The following ARHGAP44 variants were observed in gnomAD, a reference collection of about 807,000 sequenced individuals.
ARHGAP44 encodes Rho GTPase activating protein 44.
A neutral mutation model predicts 106.8 loss-of-function variants in ARHGAP44; 43 were observed. The ratio of observed to expected loss-of-function variants is 0.40; its 90% CI spans 0.32 to 0.52. The LOEUF is 0.52. Among genes scored for constraint, ARHGAP44 ranks in the 20% least tolerant of loss-of-function variants. ARHGAP44 has a pLI of 0.48. For synonymous variants in ARHGAP44, 439 were observed against 410.3 expected, an observed-to-expected ratio of 1.07 and a Z score of -0.85; for missense variants, 866 against 1,050.5, an observed-to-expected ratio of 0.82 and a Z score of 2.43.
At chr17:12,977,953 G>A (rs369044332) in intron 18 of ARHGAP44, among the ~76,000 whole-genome samples, 15 of 145,184 alleles carry the variant, frequency 1.0e-4, no homozygotes, top group African/African-American at 3.0e-4. Flanking sequence ...AAGGAGAATC[G>A]CTTGAACCTG....
chr17:12,846,711 G>A (rs548315484), intron 1 of ARHGAP44, among the ~76,000 whole-genome samples: 36 of 152,336 alleles, frequency 2.4e-4, no homozygotes, highest in African/African-American at 8.2e-4. Context: ...CTCTCATGCT[G>A]TCATTCATGA....
At chr17:12,878,207 A>T (rs1319364972) in intron 1 of ARHGAP44, among the ~76,000 whole-genome samples, 1 of 151,242 alleles carries the variant, frequency 6.6e-6, no homozygotes, top group African/African-American at 2.4e-5. Flanking sequence ...TGTTTCTCTA[A>T]CTCGTTTGTT....
chr17:12,904,176 G>C (rs767889752), intron 3 of ARHGAP44, among the ~76,000 whole-genome samples: 1 of 151,802 alleles, frequency 6.6e-6, no homozygotes, highest in African/African-American at 2.4e-5. Context: ...GTGCCATCTC[G>C]GCTCACTGCA....
At chr17:12,833,953 AT>A (rs140967569) in intron 1 of ARHGAP44, among the ~76,000 whole-genome samples, 35,409 of 143,486 alleles carry the variant, frequency 0.25, 6,258 homozygotes, top group African/African-American at 0.51. Context: ...TAGATTGTGA[AT>A]TTTTTTTTTT....
At chr17:12,790,058 C>T (rs1403394261) in intron 1 of ARHGAP44, 167 bp downstream of exon 1, 1 of 579,418 alleles carries the variant, frequency 1.7e-6, no homozygotes, top group Middle Eastern at 4.7e-4. Context: ...TCCTCCCTAA[C>T]TTCCCAGACC....
At chr17:12,985,452 T>A (rs2039934983) in intron 20 of ARHGAP44, 1 of 152,166 alleles carries the variant, frequency 6.6e-6, no homozygotes, top group Non-Finnish European at 1.5e-5. Flanking sequence ...TCCACCAGAC[T>A]CCCCTCCCTG....
At chr17:12,819,097 G>C (rs1251804892) in intron 1 of ARHGAP44, among the ~76,000 whole-genome samples, 1 of 152,042 alleles carries the variant, frequency 6.6e-6, no homozygotes, top group African/African-American at 2.4e-5. Flanking sequence ...GCAGACTAGA[G>C]AGTCCAAAAT....
chr17:12,931,780 T>TGTCCCTGTAGTCCCAGCTCAG, intron 7 of ARHGAP44, among the ~76,000 whole-genome samples: 2 of 151,804 alleles, frequency 1.3e-5, no homozygotes, highest in African/African-American at 4.8e-5. Context: ...ATTACAGGCA[T>TGTCCCTGTAGTCCCAGCTCAG]GAGCCACCGC....
intron 1 of ARHGAP44, among the ~76,000 whole-genome samples, chr17:12,815,309 G>C (rs189090154): frequency 6.6e-6 from 1 of 152,014 alleles, no homozygotes; most frequent in African/African-American, 2.4e-5. Context: ...CAAACATTCC[G>C]CCTCGCACTT....
At chr17:12,856,268 A>G (rs761846544) in intron 1 of ARHGAP44, among the ~76,000 whole-genome samples, 1 of 152,068 alleles carries the variant, frequency 6.6e-6, no homozygotes, top group Non-Finnish European at 1.5e-5. Flanking sequence ...GAATCTAGTA[A>G]ACTGTGCATC....
At chr17:12,879,999 G>A (rs1193967982) in intron 1 of ARHGAP44, among the ~76,000 whole-genome samples, 3 of 151,948 alleles carry the variant, frequency 2.0e-5, no homozygotes, top group East Asian at 1.9e-4. Flanking sequence ...TCTCAGGTGT[G>A]GCAAAGGTGG....
chr17:12,941,213 C>T (rs2038700420), intron 8 of ARHGAP44, 89 bp downstream of exon 8: 6 of 1,224,218 alleles, frequency 4.9e-6, no homozygotes, highest in African/African-American at 4.5e-5. Context: ...TAATTGATCA[C>T]ATCATAGAAA....
At chr17:12,806,807 A>G (rs1239692654) in intron 1 of ARHGAP44, among the ~76,000 whole-genome samples, 1 of 152,022 alleles carries the variant, frequency 6.6e-6, no homozygotes, top group South Asian at 2.1e-4. Flanking sequence ...TTACATTTTC[A>G]TGACTTTATT....
At chr17:12,847,587 C>T (rs1331619083) in intron 1 of ARHGAP44, among the ~76,000 whole-genome samples, 1 of 148,520 alleles carries the variant, frequency 6.7e-6, no homozygotes, top group African/African-American at 2.5e-5. Context: ...GATCTCGGCT[C>T]ACTGCAAGCT....
intron 1 of ARHGAP44, among the ~76,000 whole-genome samples, chr17:12,891,610 A>T (rs1040777859): frequency 2.6e-5 from 4 of 152,142 alleles, no homozygotes. Flanking sequence ...TGCATTGGAG[A>T]TCAAGTTTTC....
chr17:12,873,798 T>C (rs2036468853), intron 1 of ARHGAP44, among the ~76,000 whole-genome samples: 1 of 151,964 alleles, frequency 6.6e-6, no homozygotes. Flanking sequence ...CTGGGGAGGC[T>C]GAAGCTGAGG....
At chr17:12,893,186 T>C (rs563749808) in intron 1 of ARHGAP44, among the ~76,000 whole-genome samples, 3 of 152,316 alleles carry the variant, frequency 2.0e-5, no homozygotes, top group Non-Finnish European at 4.4e-5. Context: ...CTGGCCTTCA[T>C]TGACCCTTCG....
At chr17:12,893,818 T>A (rs1048356029) in intron 1 of ARHGAP44, among the ~76,000 whole-genome samples, 1 of 152,202 alleles carries the variant, frequency 6.6e-6, no homozygotes, top group Non-Finnish European at 1.5e-5. Context: ...TTGGGGTTTG[T>A]TTTGTCTGAG....
intron 20 of ARHGAP44, 195 bp downstream of exon 20, chr17:12,985,103 A>G (rs909530131): frequency 3.1e-6 from 2 of 647,538 alleles, no homozygotes; most frequent in African/African-American, 3.7e-5. Context: ...CATGTGTCCC[A>G]CACAGGGGCT....
Sources: gnomAD v4.1 joint callset for allele counts (sites outside exome capture counted in the v4.1 genomes callset) on GRCh38, gnomAD v4.1.1 for gene constraint, MANE v1.5 for transcripts, NCBI Gene and HGNC (gene_info 2026-07-23, HGNC 2026-07-21) for gene names.